The following MYZAP variants were observed in gnomAD, a reference collection of about 807,000 sequenced individuals.
The protein encoded by MYZAP is GRINL1A complex locus upstream.
A neutral mutation model predicts 69.4 loss-of-function variants in MYZAP; 66 were observed. The ratio of observed to expected loss-of-function variants is 0.95; its 90% CI spans 0.78 to 1.17. MYZAP has a LOEUF of 1.17. MYZAP is among the 50% of genes most tolerant of loss of function. MYZAP has a pLI of 0.00. For missense variants in MYZAP, 611 were observed against 556.2 expected (o/e 1.10, Z -0.99); for synonymous variants, 256 against 205.9 (o/e 1.24, Z -2.09).
chr15:57,625,998 A>C lies in MYZAP; in HGVS notation c.525+106A>C. 5.0e-6 allele frequency: 5 copies of C among 998,930 alleles called. No individual in the cohort carries two copies. The South Asian group carries it at 5.6e-5, about 11-fold the overall frequency. The allele number at this position is 998,930 out of a possible 1,614,324, so 61.9% of individuals were successfully genotyped here. On this transcript the variant is annotated intron_variant, in intron 5 of 12. Transcript: ENST00000267853. The stretch of plus-strand genomic sequence containing the variant: ...ACAGAACATCCTTAGCTCATGATTC[A>C]GAATTCTTTAAGCAGAACCACTGTG...
chr15:57,595,013 T>A (rs1461732527), intron 1 of MYZAP, among the ~76,000 whole-genome samples: 3 of 152,206 alleles, frequency 2.0e-5, no homozygotes, highest in African/African-American at 7.2e-5. Context: ...GAAACCAGCC[T>A]ATGTGGGTCC....
intron 11 of MYZAP, among the ~76,000 whole-genome samples, chr15:57,667,822 A>G (rs2038658069): frequency 1.3e-5 from 2 of 152,300 alleles, no homozygotes; most frequent in South Asian, 4.1e-4. Context: ...CTGAGTTTTG[A>G]CAGTGTTTAT....
At chr15:57,596,636 G>A (rs2140312455) in intron 1 of MYZAP, among the ~76,000 whole-genome samples, 2 of 152,248 alleles carry the variant, frequency 1.3e-5, no homozygotes, top group East Asian at 3.9e-4. Flanking sequence ...TCTGCTTCAA[G>A]AGCCTCCTCA....
intron 1 of MYZAP, among the ~76,000 whole-genome samples, chr15:57,601,632 C>T (rs2034419084): frequency 6.6e-6 from 1 of 151,980 alleles, no homozygotes; most frequent in Non-Finnish European, 1.5e-5. Context: ...AAGTTGGCCC[C>T]ACAAGAGGCA....
intron 1 of MYZAP, chr15:57,599,717 C>T: frequency 7.8e-7 from 1 of 1,287,938 alleles, no homozygotes; most frequent in Non-Finnish European, 1.0e-6. Context: ...AGGAATGCTG[C>T]CTTGATGTTA....
At chr15:57,665,334 T>G (rs2038514708) in intron 11 of MYZAP, among the ~76,000 whole-genome samples, 1 of 152,230 alleles carries the variant, frequency 6.6e-6, no homozygotes, top group South Asian at 2.1e-4. Context: ...GCCCCGATAT[T>G]TGCAGAATTC....
chr15:57,659,031 G>T (rs537648790), intron 10 of MYZAP, among the ~76,000 whole-genome samples: 5 of 152,274 alleles, frequency 3.3e-5, no homozygotes, highest in Admixed American at 3.3e-4. Context: ...GTAAGGAGTT[G>T]ATGCCTTTTT....
At chr15:57,648,117 C>T in intron 10 of MYZAP, 3 of 545,558 alleles carry the variant, frequency 5.5e-6, no homozygotes, top group Non-Finnish European at 6.0e-6. Flanking sequence ...GGTATTATTC[C>T]TTATTTATTT....
chr15:57,634,198 G>T (rs899853440), intron 8 of MYZAP, among the ~76,000 whole-genome samples: 4 of 152,150 alleles, frequency 2.6e-5, no homozygotes, highest in Admixed American at 1.3e-4. Context: ...TGTGGTGGGG[G>T]AACCTGAGGA....
intron 1 of MYZAP, among the ~76,000 whole-genome samples, chr15:57,600,956 T>C (rs1331263975): frequency 6.6e-6 from 1 of 152,066 alleles, no homozygotes; most frequent in East Asian, 1.9e-4. Flanking sequence ...TGCATGCCTG[T>C]GGTCCCAGCT....
intron 5 of MYZAP, among the ~76,000 whole-genome samples, chr15:57,629,209 A>G (rs1485945818): frequency 2.0e-5 from 3 of 152,224 alleles, no homozygotes; most frequent in Non-Finnish European, 4.4e-5. Flanking sequence ...ATAAATAAGA[A>G]AATAGATACC....
Position 57,639,509 on chromosome 15 carries a change from T to C in MYZAP, c.1083T>C (p.His361=), listed in dbSNP as rs749422371. Residue 361 remains histidine, a synonymous_variant, in exon 10 of 13, where the codon CAT becomes CAC. Coordinates refer to ENST00000267853, the MANE Select transcript of MYZAP (RefSeq NM_001018100.5). The stretch of plus-strand genomic sequence containing the variant: ...TCAGACACCTAGATGACATGGTGCA[T>C]TGCCAGCAGAAGAAAGTCAAGCAGA... ...ERIRHLDDMV[H]CQQKKVKQMV... 16 of 1,614,014 alleles carry C rather than the reference T, an allele frequency of 9.9e-6. No individual in the cohort carries two copies. In the South Asian group the frequency reaches 1.6e-4, roughly 17 times the overall value.
At chr15:57,643,068 A>G (rs2037251853) in intron 10 of MYZAP, among the ~76,000 whole-genome samples, 1 of 152,182 alleles carries the variant, frequency 6.6e-6, no homozygotes, top group Admixed American at 6.5e-5. Flanking sequence ...TATCTCCCCC[A>G]TCACTAGTTC....
At chr15:57,614,220 C>T (rs2035289192) in intron 2 of MYZAP, among the ~76,000 whole-genome samples, 1 of 152,186 alleles carries the variant, frequency 6.6e-6, no homozygotes, top group African/African-American at 2.4e-5. Flanking sequence ...TCTAAAGTTC[C>T]CTATTCATTC....
At chr15:57,648,614 C>T (rs2037569094) in intron 10 of MYZAP, 1 of 257,218 alleles carries the variant, frequency 3.9e-6, no homozygotes, top group Non-Finnish European at 6.1e-6. Flanking sequence ...GATGGTGCTG[C>T]ACTACAGACC....
Position 57,684,719 on chromosome 15 carries a change from C to T in MYZAP, c.*221C>T. ...GGTCACATTTCAGACACCCACTCGG[C>T]ATACCCTGCCGTACTGCATCATCAT... On this transcript the variant is annotated 3_prime_UTR_variant, in exon 13 of 13. Transcript: ENST00000267853. 2.3e-6 allele frequency: 1 copy of T among 438,328 alleles called. No individual in the cohort carries two copies. The highest frequency in any genetic ancestry group is 4.0e-6 in the Non-Finnish European group (1 of 247,530). The allele number at this position is 438,328 out of a possible 1,614,324, so 27.2% of individuals were successfully genotyped here. A position where few individuals can be genotyped will look rare whatever the true frequency, so the allele number is the denominator to read the frequency against.
chr15:57,679,686 C>T (rs1440869093), intron 12 of MYZAP, among the ~76,000 whole-genome samples: 4 of 152,170 alleles, frequency 2.6e-5, no homozygotes, highest in African/African-American at 7.2e-5. Flanking sequence ...CTCCAAGACC[C>T]TCCCATGGTA....
chr15:57,599,530 G>C (rs893314654), intron 1 of MYZAP: 25 of 1,249,710 alleles, frequency 2.0e-5, no homozygotes, highest in South Asian at 1.3e-5. Flanking sequence ...TTCAGGGTAG[G>C]ATGCAGTTCT....
intron 9 of MYZAP, 65 bp from the exon 10 acceptor site, chr15:57,639,375 C>T: frequency 2.0e-6 from 3 of 1,534,592 alleles, no homozygotes; most frequent in East Asian, 2.3e-5. Flanking sequence ...AAAGCTGTGA[C>T]TGTTGCTACT....
Sources: allele counts gnomAD v4.1 joint callset (sites outside exome capture counted in the v4.1 genomes callset), GRCh38; gene constraint gnomAD v4.1.1; transcripts MANE v1.5; gene names NCBI Gene and HGNC (gene_info 2026-07-23, HGNC 2026-07-21).